The following MTHFD1L variants were observed in gnomAD, a reference collection of about 807,000 sequenced individuals.
MTHFD1L encodes the protein methylenetetrahydrofolate dehydrogenase (NADP+ dependent) 1 like.
A neutral mutation model predicts 119.5 loss-of-function variants in MTHFD1L; 81 were observed. That is an observed-to-expected ratio of 0.68 (90% CI 0.57 to 0.82). The LOEUF (loss-of-function observed/expected upper bound fraction) is 0.82, where lower values mean the gene tolerates loss of function less well. Among genes scored for constraint, MTHFD1L ranks in the 40% least tolerant of loss-of-function variants. MTHFD1L has a pLI of 0.00. For synonymous variants in MTHFD1L, 430 were observed against 475.2 expected (o/e 0.90, Z 1.24); for missense variants, 1,125 against 1,253.4 (o/e 0.90, Z 1.55).
chr6:150,925,599 G>A (rs1310686748), intron 10 of MTHFD1L, among the ~76,000 whole-genome samples: 2 of 152,222 alleles, frequency 1.3e-5, no homozygotes, highest in South Asian at 2.1e-4. Context: ...ATAGAGAGGG[G>A]GAAGTGTGGA....
chr6:150,891,426 A>G (rs563953194), intron 7 of MTHFD1L, among the ~76,000 whole-genome samples: 2 of 149,092 alleles, frequency 1.3e-5, no homozygotes, highest in South Asian at 4.2e-4. Flanking sequence ...CATACATATA[A>G]TATGTATTAC....
chr6:150,871,011 TATA>T (rs1779351364), intron 1 of MTHFD1L, among the ~76,000 whole-genome samples: 1 of 145,554 alleles, frequency 6.9e-6, no homozygotes, highest in Non-Finnish European at 1.5e-5. Flanking sequence ...TATAATATAA[TATA>T]ATTATATATA....
chr6:151,061,430 A>T (rs1252858137), intron 26 of MTHFD1L, among the ~76,000 whole-genome samples: 1 of 152,200 alleles, frequency 6.6e-6, no homozygotes, highest in Non-Finnish European at 1.5e-5. Flanking sequence ...CTCTCAGAAC[A>T]AAAGCAAATG....
chr6:150,961,242 C>T (rs529767755), intron 18 of MTHFD1L, among the ~76,000 whole-genome samples: 8 of 152,104 alleles, frequency 5.3e-5, no homozygotes, highest in South Asian at 2.1e-4. Flanking sequence ...TACAGGCGCA[C>T]GCCACCACGC....
At chr6:150,984,920 A>G (rs985283456) in intron 20 of MTHFD1L, 4 of 152,168 alleles carry the variant, frequency 2.6e-5, no homozygotes, top group South Asian at 2.1e-4. Flanking sequence ...AGCCACGCAT[A>G]TTAGGTTTCA....
At chr6:150,996,795 C>T (rs1779859721) in intron 20 of MTHFD1L, among the ~76,000 whole-genome samples, 1 of 146,536 alleles carries the variant, frequency 6.8e-6, no homozygotes, top group African/African-American at 2.5e-5. Context: ...CCTATGGACC[C>T]CTGAAAGTAG....
rs554473619 is a variant in MTHFD1L at position 151,046,884 on chromosome 6, A to C, written c.2847+9767A>C. On this transcript the variant is annotated intron_variant, in intron 26 of 27. Coordinates refer to ENST00000367321, the MANE Select transcript of MTHFD1L (RefSeq NM_015440.5). ...GGAAGCCTGAATAAAAAGAGAAGTT[A>C]AACTTTTAAGAAAAGGGTCAAGCTT... Among the ~76,000 whole-genome samples the C allele has an allele frequency of 3.9e-5, 6 of 152,284 alleles. No individual in the cohort carries two copies. In the South Asian group the frequency reaches 1.2e-3, roughly 32 times the overall value.
chr6:151,050,805 G>A (rs561084877), intron 26 of MTHFD1L, among the ~76,000 whole-genome samples: 2 of 152,180 alleles, frequency 1.3e-5, no homozygotes, highest in East Asian at 1.9e-4. Flanking sequence ...AGGAAAACAC[G>A]GTTTGAGGAG....
intron 20 of MTHFD1L, among the ~76,000 whole-genome samples, chr6:150,997,520 G>A (rs1004517927): frequency 3.3e-5 from 5 of 152,182 alleles, no homozygotes; most frequent in African/African-American, 1.2e-4. Flanking sequence ...TGGGCACGGT[G>A]TCTCACACCT....
intron 26 of MTHFD1L, among the ~76,000 whole-genome samples, chr6:151,063,033 TAA>T (rs112963232): frequency 7.0e-6 from 1 of 143,264 alleles, no homozygotes; most frequent in Non-Finnish European, 1.5e-5. Context: ...TAAAGTACAA[TAA>T]AAAAAAAAAT....
chr6:150,938,273 C>A (rs549605645), intron 12 of MTHFD1L, among the ~76,000 whole-genome samples: 5 of 152,364 alleles, frequency 3.3e-5, no homozygotes, highest in African/African-American at 9.6e-5. Flanking sequence ...CTGCCTCAGC[C>A]TCCCAAAGTG....
chr6:151,022,276 C>G (rs1254007581), intron 24 of MTHFD1L: 2 of 314,164 alleles, frequency 6.4e-6, no homozygotes, highest in Non-Finnish European at 1.3e-5. Flanking sequence ...GAACCTACAC[C>G]AGTTGTTGGT....
At chr6:150,922,769 G>A (rs1467662080) in intron 10 of MTHFD1L, among the ~76,000 whole-genome samples, 2 of 150,912 alleles carry the variant, frequency 1.3e-5, no homozygotes, top group East Asian at 2.0e-4. Flanking sequence ...TCAGCCTCCC[G>A]GGTAGCTGAG....
At chr6:151,028,463 TACTATG>T (rs1160006148) in intron 24 of MTHFD1L, among the ~76,000 whole-genome samples, 3 of 152,028 alleles carry the variant, frequency 2.0e-5, no homozygotes, top group African/African-American at 4.8e-5. Flanking sequence ...GGCACACACA[TACTATG>T]GAACATTATT....
At chr6:150,898,206 A>T (rs1268964920) in intron 7 of MTHFD1L, among the ~76,000 whole-genome samples, 1 of 152,190 alleles carries the variant, frequency 6.6e-6, no homozygotes, top group African/African-American at 2.4e-5. Context: ...GCACCTTATA[A>T]GTGTGTGGAG....
Position 150,944,516 on chromosome 6 carries a change from G to T in MTHFD1L, c.1471G>T (p.Ala491Ser). The change falls in exon 14 of 28, where the codon GCC becomes TCC. Residue 491 changes from alanine to serine, a missense_variant. Physicochemically the swap from Ala to Ser is moderately conservative, Grantham distance 99. Coordinates refer to ENST00000367321, the MANE Select transcript of MTHFD1L (RefSeq NM_015440.5). ...FNLHLTGDIH[A>S]ITAANNLLAA... ...CCTTCACTTGACTGGAGACATCCAC[G>T]CCATCACCGCTGCCAATAACTTGCT... 6.2e-7 allele frequency: 1 copy of T among 1,613,856 alleles called. No homozygotes were observed. Among genetic ancestry groups the T allele is most frequent in the Non-Finnish European group, 8.5e-7 (1 of 1,179,908 alleles).
intron 20 of MTHFD1L, among the ~76,000 whole-genome samples, chr6:150,994,063 G>A (rs1089921): frequency 0.18 from 13,169 of 72,682 alleles, 985 homozygotes; most frequent in East Asian, 0.44. Context: ...AACAACAACA[G>A]TAAAAAAAAA....
intron 1 of MTHFD1L, among the ~76,000 whole-genome samples, chr6:150,868,600 G>A (rs184395407): frequency 8.5e-5 from 13 of 152,152 alleles, no homozygotes; most frequent in Admixed American, 7.9e-4. Flanking sequence ...GCCTCCCAAA[G>A]TGCTGGGATT....
intron 26 of MTHFD1L, among the ~76,000 whole-genome samples, chr6:151,047,385 T>C (rs1788257444): frequency 6.6e-6 from 1 of 152,228 alleles, no homozygotes. Flanking sequence ...TACTCACTGG[T>C]ATAAAATCAG....
Sources: allele counts gnomAD v4.1 joint callset (sites outside exome capture counted in the v4.1 genomes callset), GRCh38; gene constraint gnomAD v4.1.1; transcripts MANE v1.5; gene names NCBI Gene and HGNC (gene_info 2026-07-23, HGNC 2026-07-21).